Variants in DOCK3 observed in about 807,000 individuals in gnomAD.
DOCK3 encodes the protein dedicator of cytokinesis 3, also known as dedicator of cytokinesis protein 3.
DOCK3 carries 60 observed loss-of-function variants against 265.6 expected under a neutral mutation model. The ratio of observed to expected loss-of-function variants is 0.23; its 90% CI spans 0.18 to 0.28. The LOEUF (loss-of-function observed/expected upper bound fraction) is 0.28, where lower values mean the gene tolerates loss of function less well. DOCK3 is among the 10% of genes least tolerant of loss of function. The probability of loss-of-function intolerance (pLI) is 1.00; values close to 1 mark genes in which losing one functional copy is unlikely to be tolerated. For synonymous variants in DOCK3, 881 were observed against 938.0 expected (o/e 0.94, Z 1.11); for missense variants, 1,981 against 2,594.3 (o/e 0.76, Z 5.14).
At chr3:50,955,853 A>G (rs1429059436) in intron 5 of DOCK3, among the ~76,000 whole-genome samples, 1 of 152,200 alleles carries the variant, frequency 6.6e-6, no homozygotes, top group African/African-American at 2.4e-5. Flanking sequence ...AAAAAAAGGG[A>G]TAACAGTTGA....
At chr3:51,025,903 G>A (rs1184108499) in intron 5 of DOCK3, among the ~76,000 whole-genome samples, 1 of 152,176 alleles carries the variant, frequency 6.6e-6, no homozygotes, top group Non-Finnish European at 1.5e-5. Context: ...CAGTGAGGAT[G>A]TACTCAGAGG....
At chr3:51,279,522 T>C (rs1174568571) in intron 26 of DOCK3, among the ~76,000 whole-genome samples, 1 of 152,162 alleles carries the variant, frequency 6.6e-6, no homozygotes, top group Non-Finnish European at 1.5e-5. Context: ...CATTGATATT[T>C]CTCCTTTAAT....
At chr3:51,028,944 G>C (rs2079927161) in intron 5 of DOCK3, among the ~76,000 whole-genome samples, 1 of 152,154 alleles carries the variant, frequency 6.6e-6, no homozygotes, top group Non-Finnish European at 1.5e-5. Flanking sequence ...CATTGCTAGA[G>C]AGCTAGTGTG....
In DOCK3 at chr3:50,677,981, T is replaced by C. The variant is rs1002934013; in HGVS notation, c.37+2681T>C. On this transcript the variant is annotated intron_variant, in intron 1 of 52. Coordinates refer to ENST00000266037, the MANE Select transcript of DOCK3 (RefSeq NM_004947.5). ...AGGCCTGTCAGTGTGCCTGGGACTC[T>C]CACTTAGGTAACCCCATGTCGATTC... 7.2e-5 allele frequency among the ~76,000 whole-genome samples: 11 copies of C among 152,114 alleles called. No individual in the cohort carries two copies. In the East Asian group the frequency reaches 2.1e-3, roughly 29 times the overall value.
chr3:51,204,328 A>G, intron 12 of DOCK3, among the ~76,000 whole-genome samples: 3 of 118,844 alleles, frequency 2.5e-5, no homozygotes, highest in African/African-American at 9.5e-5. Flanking sequence ...AGAAAAAAAC[A>G]AACAACCCCA....
At chr3:51,112,314 T>A (rs1056977291) in intron 9 of DOCK3, among the ~76,000 whole-genome samples, 1 of 152,154 alleles carries the variant, frequency 6.6e-6, no homozygotes, top group Non-Finnish European at 1.5e-5. Context: ...GAGAAAAAAT[T>A]ATAAGTAAAA....
intron 5 of DOCK3, among the ~76,000 whole-genome samples, chr3:50,981,557 C>T (rs1489176273): frequency 6.6e-6 from 1 of 152,158 alleles, no homozygotes; most frequent in Non-Finnish European, 1.5e-5. Flanking sequence ...TAGTCCTTAA[C>T]TATGTTGTAT....
In DOCK3 at chr3:51,218,534, A is replaced by G. The variant is rs74451765; in HGVS notation, c.1252+4287A>G. Among the ~76,000 whole-genome samples, 166 of 152,250 alleles carry G rather than the reference A, an allele frequency of 1.1e-3. 6 individuals carry two copies. The East Asian group carries it at 0.029, about 26-fold the overall frequency. ...CAGCAGAGATGTGCTACCACTTGCC[A>G]TGGCTCTCTTTCTTTGCTTTCCTGG... is the stretch of plus-strand genomic sequence containing the variant. On this transcript the variant is annotated intron_variant, in intron 14 of 52. Transcript: ENST00000266037.
At chr3:51,238,797 T>C (rs2078462856) in intron 21 of DOCK3, among the ~76,000 whole-genome samples, 1 of 152,230 alleles carries the variant, frequency 6.6e-6, no homozygotes, top group Non-Finnish European at 1.5e-5. Flanking sequence ...TCTCATTCTT[T>C]TTTATGGCTG....
chr3:51,322,708 G>A (rs547278917), intron 32 of DOCK3, among the ~76,000 whole-genome samples: 4 of 152,214 alleles, frequency 2.6e-5, no homozygotes, highest in South Asian at 2.1e-4. Context: ...ATACCAAATT[G>A]TAAAGACCAT....
intron 5 of DOCK3, among the ~76,000 whole-genome samples, chr3:50,988,622 C>T (rs2077991288): frequency 6.6e-6 from 1 of 152,210 alleles, no homozygotes; most frequent in African/African-American, 2.4e-5. Flanking sequence ...CAGCCACCTA[C>T]AGGTGCCTTC....
chr3:50,991,983 T>C (rs1237717083), intron 5 of DOCK3, among the ~76,000 whole-genome samples: 2 of 152,198 alleles, frequency 1.3e-5, no homozygotes, highest in Admixed American at 1.3e-4. Context: ...AACATGCTCC[T>C]GAATAACTTT....
At chr3:51,178,637 T>A (rs946028212) in intron 12 of DOCK3, among the ~76,000 whole-genome samples, 7 of 152,228 alleles carry the variant, frequency 4.6e-5, no homozygotes, top group African/African-American at 1.7e-4. Context: ...CCCATTTTTT[T>A]TCTTCACAGG....
At chr3:51,333,853 A>AT (rs112903403) in intron 35 of DOCK3, among the ~76,000 whole-genome samples, 5,427 of 144,510 alleles carry the variant, frequency 0.038, 323 homozygotes, top group African/African-American at 0.12. Context: ...TGGAATAAGA[A>AT]TTTTTTTTTT....
intron 33 of DOCK3, 64 bp from the exon 34 acceptor site, chr3:51,332,937 T>C: frequency 6.2e-7 from 1 of 1,603,512 alleles, no homozygotes; most frequent in Non-Finnish European, 8.5e-7. Flanking sequence ...ATAGAAGATG[T>C]GTTTTCATTT....
intron 23 of DOCK3, among the ~76,000 whole-genome samples, chr3:51,265,311 A>C (rs2080104122): frequency 6.6e-6 from 1 of 152,220 alleles, no homozygotes; most frequent in Non-Finnish European, 1.5e-5. Context: ...AAACTATTCC[A>C]AACAATAGAA....
At chr3:50,974,953 G>T (rs955213616) in intron 5 of DOCK3, among the ~76,000 whole-genome samples, 1 of 140,218 alleles carries the variant, frequency 7.1e-6, no homozygotes, top group Non-Finnish European at 1.6e-5. Context: ...TCTGTTGTTG[G>T]TGTATAAGAA....
chr3:51,199,304 C>T (rs563531430), intron 12 of DOCK3, among the ~76,000 whole-genome samples: 50 of 152,270 alleles, frequency 3.3e-4, no homozygotes, highest in Admixed American at 1.4e-3. Flanking sequence ...GGGTGACAGA[C>T]GGCACCTGGA....
At chr3:50,689,494 A>T (rs1240731358) in intron 1 of DOCK3, among the ~76,000 whole-genome samples, 1 of 152,178 alleles carries the variant, frequency 6.6e-6, no homozygotes, top group Non-Finnish European at 1.5e-5. Context: ...TCACCATCAC[A>T]TCTTCATGAG....
Sources: gnomAD v4.1 joint callset for allele counts (sites outside exome capture counted in the v4.1 genomes callset) on GRCh38, gnomAD v4.1.1 for gene constraint, MANE v1.5 for transcripts, NCBI Gene and HGNC (gene_info 2026-07-23, HGNC 2026-07-21) for gene names.